RAB3GAP1: variants seen among roughly 807,000 people sequenced by gnomAD.
RAB3GAP1 encodes rab3 GTPase-activating protein catalytic subunit.
Under a neutral mutation model 130.7 loss-of-function variants are expected in RAB3GAP1, and 86 were observed. That is an observed-to-expected ratio of 0.66 (90% CI 0.55 to 0.79). The LOEUF is 0.79. Ranked by LOEUF, RAB3GAP1 falls within the 30% of genes least tolerant of loss-of-function variation. The pLI is 0.00. For synonymous variants in RAB3GAP1, 367 were observed against 401.7 expected (o/e 0.91, Z 1.03); for missense variants, 1,029 against 1,169.4 (o/e 0.88, Z 1.75).
intron 23 of RAB3GAP1, chr2:135,165,000 G>A: frequency 2.6e-6 from 1 of 391,112 alleles, no homozygotes; most frequent in South Asian, 2.0e-5. Flanking sequence ...CTGTGCTGTG[G>A]GAAAAAATGT....
intron 3 of RAB3GAP1, among the ~76,000 whole-genome samples, chr2:135,065,514 T>A (rs1181083079): frequency 1.3e-5 from 2 of 152,220 alleles, no homozygotes; most frequent in Non-Finnish European, 2.9e-5. Context: ...TTCTCATTAA[T>A]ATTTTTGTTC....
At chr2:135,101,524 AT>A (rs1397208148) in intron 5 of RAB3GAP1, among the ~76,000 whole-genome samples, 1 of 152,156 alleles carries the variant, frequency 6.6e-6, no homozygotes, top group Admixed American at 6.5e-5. Flanking sequence ...GATTTTTGGG[AT>A]TTATGTCCAA....
chr2:135,066,486 G>GTAC (rs1689327079), intron 3 of RAB3GAP1, among the ~76,000 whole-genome samples: 1 of 152,170 alleles, frequency 6.6e-6, no homozygotes, highest in Non-Finnish European at 1.5e-5. Flanking sequence ...AGTTCATGTG[G>GTAC]TACTGTAATT....
chr2:135,138,670 A>G (rs938552900), intron 17 of RAB3GAP1, among the ~76,000 whole-genome samples: 1 of 150,760 alleles, frequency 6.6e-6, no homozygotes, highest in Admixed American at 6.6e-5. Context: ...ATGCAGTGGC[A>G]TGATCATGGC....
intron 5 of RAB3GAP1, among the ~76,000 whole-genome samples, chr2:135,096,415 G>A (rs911773562): frequency 6.6e-6 from 1 of 152,042 alleles, no homozygotes; most frequent in South Asian, 2.1e-4. Context: ...GCAGGTAAAC[G>A]GGATAGTGTT....
chr2:135,106,278 C>A (rs965478710), intron 5 of RAB3GAP1, among the ~76,000 whole-genome samples: 1 of 152,192 alleles, frequency 6.6e-6, no homozygotes, highest in African/African-American at 2.4e-5. Context: ...TCATTGAGAA[C>A]GGGCCATGAT....
intron 7 of RAB3GAP1, among the ~76,000 whole-genome samples, chr2:135,115,813 A>C (rs1690953644): frequency 6.6e-6 from 1 of 152,184 alleles, no homozygotes; most frequent in Non-Finnish European, 1.5e-5. Flanking sequence ...ATTTGATTTA[A>C]TTTTCAAGGT....
Position 135,162,821 on chromosome 2 carries a change from C to G in RAB3GAP1, c.2460C>G (p.His820Gln). Reference sequence around the variant, plus strand: ...TATCCCATTCCAGTAAAGTTTTGCACTTCCCCAATCCAGAAGACAAGAAAT... The same window carrying G: ...TATCCCATTCCAGTAAAGTTTTGCAGTTCCCCAATCCAGAAGACAAGAAAT... ...QIISHSSKVL[H>Q]FPNPEDKKLE... Residue 820 changes from histidine to glutamine, a missense_variant, in exon 21 of 24, where the codon CAC becomes CAG. Coordinates refer to ENST00000264158, the MANE Select transcript of RAB3GAP1 (RefSeq NM_012233.3). The G allele has an allele frequency of 6.2e-7, 1 of 1,613,162 alleles. No homozygotes were observed. Among genetic ancestry groups the G allele is most frequent in the Non-Finnish European group, 8.5e-7 (1 of 1,179,110 alleles).
At chr2:135,148,945 C>G (rs775541317) in intron 17 of RAB3GAP1, among the ~76,000 whole-genome samples, 3 of 152,100 alleles carry the variant, frequency 2.0e-5, no homozygotes, top group Admixed American at 6.5e-5. Context: ...TCATCACTTG[C>G]AAAATTCCCT....
intron 3 of RAB3GAP1, among the ~76,000 whole-genome samples, chr2:135,085,862 T>C (rs562403888): frequency 4.1e-4 from 62 of 152,346 alleles, no homozygotes; most frequent in African/African-American, 1.4e-3. Flanking sequence ...TATATACCCA[T>C]GTTACCACCA....
intron 19 of RAB3GAP1, 118 bp from the exon 20 acceptor site, chr2:135,162,437 C>G: frequency 1.3e-6 from 1 of 773,954 alleles, no homozygotes. Context: ...GGCTGCCTAT[C>G]TGGAGTGCTG....
Position 135,123,988 on chromosome 2 carries a change from C to T in RAB3GAP1, c.749-177C>T, listed in dbSNP as rs557572687. 463 of 603,790 alleles carry T rather than the reference C, an allele frequency of 7.7e-4. 1 individual carries two copies. Among genetic ancestry groups the T allele is most frequent in the Middle Eastern group, 3.6e-3 (8 of 2,246 alleles). 37.4% of individuals were successfully genotyped at this position (603,790 alleles called of 1,614,324 possible). A position where few individuals can be genotyped will look rare whatever the true frequency, so the allele number is the denominator to read the frequency against. ...AAGTGTGCCCTTTTACTGTAACATTCTCTGGGGAAGTCAAATATTGTTAGA... is the reference window on the plus strand; with the variant it reads ...AAGTGTGCCCTTTTACTGTAACATTTTCTGGGGAAGTCAAATATTGTTAGA... On this transcript the variant is annotated intron_variant, in intron 8 of 23. Transcript: ENST00000264158.
chr2:135,113,072 A>T, intron 5 of RAB3GAP1, 79 bp from the exon 6 acceptor site: 20 of 1,598,842 alleles, frequency 1.3e-5, no homozygotes, highest in Non-Finnish European at 1.7e-5. Context: ...CTGTAGTGAA[A>T]TTTTTTTGTG....
At chr2:135,065,653 T>C (rs1315650805) in intron 3 of RAB3GAP1, among the ~76,000 whole-genome samples, 1 of 152,282 alleles carries the variant, frequency 6.6e-6, no homozygotes, top group South Asian at 2.1e-4. Context: ...AATGTACCAA[T>C]GTTGTGACAA....
At chr2:135,095,550 T>G (rs1050971179) in intron 5 of RAB3GAP1, among the ~76,000 whole-genome samples, 2 of 152,180 alleles carry the variant, frequency 1.3e-5, no homozygotes, top group African/African-American at 4.8e-5. Context: ...TGTGATAAAA[T>G]CAAAACTCAC....
chr2:135,094,485 C>T (rs1280378606), intron 5 of RAB3GAP1, among the ~76,000 whole-genome samples: 3 of 152,118 alleles, frequency 2.0e-5, no homozygotes, highest in African/African-American at 4.8e-5. Context: ...CTAGATCTTA[C>T]TTTTTCTATC....
intron 22 of RAB3GAP1, 81 bp downstream of exon 22, chr2:135,163,182 T>G (rs1298225728): frequency 1.1e-6 from 1 of 901,752 alleles, no homozygotes; most frequent in Non-Finnish European, 1.9e-6. Context: ...AATAGGATAT[T>G]AAGACTCTTT....
At chr2:135,162,904 A>C in intron 21 of RAB3GAP1, 53 bp downstream of exon 21, 3 of 1,581,940 alleles carry the variant, frequency 1.9e-6, no homozygotes, top group Non-Finnish European at 2.6e-6. Flanking sequence ...CAGTTGGCAA[A>C]AATAATTTTT....
intron 6 of RAB3GAP1, among the ~76,000 whole-genome samples, chr2:135,114,571 G>A (rs1690910218): frequency 6.6e-6 from 1 of 152,194 alleles, no homozygotes; most frequent in Non-Finnish European, 1.5e-5. Flanking sequence ...GAGAAATACA[G>A]ACTTGGGTTC....
Sources: allele counts gnomAD v4.1 joint callset (sites outside exome capture counted in the v4.1 genomes callset), GRCh38; gene constraint gnomAD v4.1.1; transcripts MANE v1.5; gene names NCBI Gene and HGNC (gene_info 2026-07-23, HGNC 2026-07-21).